TNS3: variants seen among roughly 807,000 people sequenced by gnomAD.
TNS3 encodes tensin 3.
Under a neutral mutation model 140.9 loss-of-function variants are expected in TNS3, and 45 were observed. The observed-to-expected ratio is 0.32, with a 90% CI of 0.25 to 0.41. The LOEUF (loss-of-function observed/expected upper bound fraction) is 0.41, where lower values mean the gene tolerates loss of function less well. Ranked by LOEUF, TNS3 falls within the 10% of genes least tolerant of loss-of-function variation. The pLI is 1.00. For synonymous variants in TNS3, 815 were observed against 788.4 expected (o/e 1.03, Z -0.56); for missense variants, 1,716 against 1,906.7 (o/e 0.90, Z 1.86).
intron 20 of TNS3, among the ~76,000 whole-genome samples, chr7:47,311,464 A>G (rs146501315): frequency 6.6e-6 from 1 of 152,116 alleles, no homozygotes; most frequent in Admixed American, 6.6e-5. Flanking sequence ...AGAGAGAGAG[A>G]GAGAAAGAGA....
chr7:47,358,808 A>G (rs920353520), intron 17 of TNS3, among the ~76,000 whole-genome samples: 4 of 152,182 alleles, frequency 2.6e-5, no homozygotes, highest in Non-Finnish European at 4.4e-5. Context: ...ACAGAGGGAG[A>G]GAATTCTACC....
chr7:47,448,790 T>G (rs1389982982), intron 4 of TNS3, among the ~76,000 whole-genome samples: 1 of 152,186 alleles, frequency 6.6e-6, no homozygotes, highest in Non-Finnish European at 1.5e-5. Context: ...ATTTGGTTCT[T>G]TTTTAACCTA....
chr7:47,297,911 G>A lies in TNS3; in HGVS notation c.3545-698C>T, dbSNP rs570845775. ...AAGCGATTCTCCTGCCTCAGCCTCC[G>A]GAGTAGCTGGGACTACAGGCACCTG... On this transcript the variant is annotated intron_variant, in intron 23 of 30. Transcript: ENST00000311160. 3.5e-4 allele frequency among the ~76,000 whole-genome samples: 52 copies of A among 149,596 alleles called. 1 individual carries two copies. In the South Asian group the frequency reaches 7.8e-3, roughly 22 times the overall value.
chr7:47,331,906 A>G (rs1438502726), intron 20 of TNS3, among the ~76,000 whole-genome samples: 1 of 152,224 alleles, frequency 6.6e-6, no homozygotes, highest in Non-Finnish European at 1.5e-5. Context: ...GCCAATGCCT[A>G]TCTGTTGAGG....
chr7:47,395,400 C>T (rs1399590788), intron 16 of TNS3, among the ~76,000 whole-genome samples: 1 of 152,224 alleles, frequency 6.6e-6, no homozygotes, highest in Non-Finnish European at 1.5e-5. Context: ...CCGCTTCACC[C>T]TTCTCTCCTC....
chr7:47,463,258 AAT>A (rs1796564079), intron 4 of TNS3, among the ~76,000 whole-genome samples: 1 of 152,144 alleles, frequency 6.6e-6, no homozygotes, highest in Non-Finnish European at 1.5e-5. Context: ...CAGCCTGGCC[AAT>A]GTGGTGAAAC....
intron 18 of TNS3, 96 bp downstream of exon 18, chr7:47,346,091 G>T: frequency 6.7e-7 from 1 of 1,494,944 alleles, no homozygotes; most frequent in African/African-American, 1.4e-5. Flanking sequence ...GCTGTATTCA[G>T]GGACAAGGCC....
intron 16 of TNS3, among the ~76,000 whole-genome samples, chr7:47,379,153 T>G (rs977666004): frequency 6.6e-6 from 1 of 152,072 alleles, no homozygotes; most frequent in Admixed American, 6.6e-5. Flanking sequence ...GAGGTACGGG[T>G]AGCCCGGGCA....
At chr7:47,459,400 A>G (rs1400657585) in intron 4 of TNS3, among the ~76,000 whole-genome samples, 2 of 152,212 alleles carry the variant, frequency 1.3e-5, no homozygotes, top group African/African-American at 2.4e-5. Context: ...TTTCCAAAAA[A>G]GAAACTATCT....
intron 2 of TNS3, among the ~76,000 whole-genome samples, chr7:47,526,133 T>G (rs987431550): frequency 1.3e-5 from 2 of 152,226 alleles, no homozygotes; most frequent in Non-Finnish European, 2.9e-5. Flanking sequence ...ACTCTGAAAA[T>G]AGTCAATACT....
chr7:47,581,168 G>C lies in TNS3; in HGVS notation c.-265+883C>G, dbSNP rs554757628. 3.3e-5 allele frequency among the ~76,000 whole-genome samples: 5 copies of C among 152,128 alleles called. No homozygotes were observed. The South Asian group carries it at 1.0e-3, about 32-fold the overall frequency. ...AGACACTCAAATCACTCCAAGCAAA[G>C]GACCCGGGACTCACATGTCAGGCCG... is the stretch of plus-strand genomic sequence containing the variant. On this transcript the variant is annotated intron_variant, in intron 1 of 30. Coordinates refer to ENST00000311160, the MANE Select transcript of TNS3 (RefSeq NM_022748.12).
At chr7:47,489,558 G>A (rs1797734995) in intron 3 of TNS3, among the ~76,000 whole-genome samples, 1 of 152,198 alleles carries the variant, frequency 6.6e-6, no homozygotes, top group South Asian at 2.1e-4. Flanking sequence ...CCCAGTTGAG[G>A]CCCATGGCCC....
rs148389885 is a variant in TNS3 at position 47,381,193 on chromosome 7, C to T, written c.1025-11572G>A. 3.3e-5 allele frequency among the ~76,000 whole-genome samples: 5 copies of T among 152,354 alleles called. No individual in the cohort carries two copies. The East Asian group carries it at 9.7e-4, about 29-fold the overall frequency. On this transcript the variant is annotated intron_variant, in intron 16 of 30. Transcript: ENST00000311160. The stretch of plus-strand genomic sequence containing the variant: ...ACCAACCCATGCAGCTTACAAAGCA[C>T]AGTTTCAGCCTCCTTTTGCTTTCTT...
chr7:47,563,728 C>T (rs1023580349), intron 1 of TNS3, among the ~76,000 whole-genome samples: 1 of 152,172 alleles, frequency 6.6e-6, no homozygotes, highest in Non-Finnish European at 1.5e-5. Flanking sequence ...TTTCCCACAC[C>T]CACTTGCCAA....
intron 16 of TNS3, among the ~76,000 whole-genome samples, chr7:47,377,650 A>AC (rs978347575): frequency 3.0e-4 from 45 of 148,610 alleles, no homozygotes; most frequent in African/African-American, 1.0e-3. Flanking sequence ...AGCAGACTAG[A>AC]CCCCAACCTG....
chr7:47,429,745 C>T (rs911903361), intron 8 of TNS3, among the ~76,000 whole-genome samples: 1 of 152,184 alleles, frequency 6.6e-6, no homozygotes, highest in African/African-American at 2.4e-5. Flanking sequence ...AAGGCAGGGC[C>T]TCTAATATGT....
chr7:47,355,181 G>A (rs897580536), intron 17 of TNS3, among the ~76,000 whole-genome samples: 1 of 152,218 alleles, frequency 6.6e-6, no homozygotes, highest in East Asian at 1.9e-4. Flanking sequence ...CTGAGACTCC[G>A]CCACGCCCAG....
chr7:47,497,754 A>G (rs567000764), intron 3 of TNS3, among the ~76,000 whole-genome samples: 3 of 150,988 alleles, frequency 2.0e-5, no homozygotes, highest in African/African-American at 7.3e-5. Context: ...CACTGGAGCG[A>G]CGTGTGCCCA....
intron 20 of TNS3, among the ~76,000 whole-genome samples, chr7:47,311,397 A>AGTGT (rs1787085670): frequency 1.1e-5 from 1 of 91,340 alleles, no homozygotes; most frequent in Admixed American, 1.2e-4. Context: ...TAGAACTTAA[A>AGTGT]GAGTGTGTGT....
Sources: gnomAD v4.1 joint callset for allele counts (sites outside exome capture counted in the v4.1 genomes callset) on GRCh38, gnomAD v4.1.1 for gene constraint, MANE v1.5 for transcripts, NCBI Gene and HGNC (gene_info 2026-07-23, HGNC 2026-07-21) for gene names.